Variants in USP22 observed in about 807,000 individuals in gnomAD.
USP22 encodes ubiquitin specific peptidase 22, also known as ubiquitin carboxyl-terminal hydrolase 22.
A neutral mutation model predicts 68.1 loss-of-function variants in USP22; 22 were observed. That is an observed-to-expected ratio of 0.32 (90% CI 0.23 to 0.46). The LOEUF is 0.46. Ranked by LOEUF, USP22 falls within the 20% of genes least tolerant of loss-of-function variation. The pLI is 1.00. For missense variants in USP22, 433 were observed against 695.8 expected (o/e 0.62, Z 4.25); for synonymous variants, 279 against 274.2 (o/e 1.02, Z -0.17).
intron 9 of USP22, among the ~76,000 whole-genome samples, chr17:21,007,227 C>T (rs894466873): frequency 2.0e-5 from 3 of 152,140 alleles, no homozygotes; most frequent in Admixed American, 2.0e-4. Flanking sequence ...ACCAAGGGTA[C>T]AAAAAGTAAT....
chr17:21,036,527 G>T (rs574629709), intron 1 of USP22, among the ~76,000 whole-genome samples: 3 of 140,514 alleles, frequency 2.1e-5, no homozygotes, highest in African/African-American at 7.8e-5. Flanking sequence ...GTAAGGGGGG[G>T]GGGGGTCAAG....
Position 21,018,112 on chromosome 17 carries a change from C to T in USP22, c.521-1G>A, listed in dbSNP as rs1242163325. On this transcript the variant is annotated splice_acceptor_variant, in intron 4 of 12. Transcript: ENST00000261497. LOFTEE classifies it high-confidence loss of function. ...CCAAGGTTGATCAGCCCACGCAGAC[C>T]TGGACACAAATCACCAGAGAGCAGG... 6.3e-7 allele frequency: 1 copy of T among 1,582,992 alleles called. No homozygotes were observed. Among genetic ancestry groups the T allele is most frequent in the Non-Finnish European group, 8.6e-7 (1 of 1,163,854 alleles).
intron 1 of USP22, among the ~76,000 whole-genome samples, chr17:21,040,026 C>T (rs924273730): frequency 6.6e-6 from 1 of 152,118 alleles, no homozygotes; most frequent in Non-Finnish European, 1.5e-5. Context: ...TAGTGAGACA[C>T]TGTCTCTACA....
intron 1 of USP22, among the ~76,000 whole-genome samples, chr17:21,039,486 C>CCT (rs1253798349): frequency 6.6e-6 from 1 of 151,962 alleles, no homozygotes; most frequent in East Asian, 2.0e-4. Flanking sequence ...ATCACTTAAA[C>CCT]CCTGGAGGGG....
chr17:21,009,091 C>CAAAAAAA (rs56665164), intron 8 of USP22, among the ~76,000 whole-genome samples: 1 of 91,906 alleles, frequency 1.1e-5, no homozygotes. Context: ...GACTCCATTT[C>CAAAAAAA]AAAAAAAAAA....
chr17:21,032,922 C>CAAAAAAAAAAAAAAAAAA (rs753804890), intron 1 of USP22, among the ~76,000 whole-genome samples: 3 of 91,576 alleles, frequency 3.3e-5, no homozygotes, highest in African/African-American at 1.2e-4. Flanking sequence ...GACCCTGTCT[C>CAAAAAAAAAAAAAAAAAA]AAAAAAAAAA....
At chr17:21,017,914 T>C in intron 5 of USP22, 28 bp downstream of exon 5, 1 of 1,606,854 alleles carries the variant, frequency 6.2e-7, no homozygotes, top group East Asian at 2.2e-5. Context: ...AACAGAAATG[T>C]TCCCCTGCAG....
intron 1 of USP22, among the ~76,000 whole-genome samples, chr17:21,036,237 T>C (rs550302018): frequency 2.0e-5 from 3 of 152,024 alleles, no homozygotes; most frequent in Admixed American, 1.3e-4. Flanking sequence ...AGGGATTTCT[T>C]GGGGCAGTGC....
chr17:21,005,972 T>G (rs1461841877), intron 10 of USP22, among the ~76,000 whole-genome samples: 1 of 152,118 alleles, frequency 6.6e-6, no homozygotes, highest in African/African-American at 2.4e-5. Context: ...GAGCTGGCCA[T>G]GTGACCCGGA....
intron 10 of USP22, among the ~76,000 whole-genome samples, chr17:21,005,975 G>A (rs2364332): frequency 0.75 from 113,491 of 152,022 alleles, 42,812 homozygotes; most frequent in South Asian, 0.82. Context: ...CTGGCCATGT[G>A]ACCCGGAAGC....
At chr17:21,043,402 T>C (rs1011883291), upstream of USP22, 15 of 325,514 alleles carry the variant, frequency 4.6e-5, no homozygotes, top group Non-Finnish European at 7.8e-5. Flanking sequence ...AGACGTTCCC[T>C]GTCTCTTCCA....
chr17:21,042,989 G>C lies in USP22; in HGVS notation c.-154C>G, dbSNP rs1972462666. 1 of 374,226 alleles carries C rather than the reference G, an allele frequency of 2.7e-6. No homozygotes were observed. The allele number at this position is 374,226 out of a possible 1,614,324, so 23.2% of individuals were successfully genotyped here. A position where few individuals can be genotyped will look rare whatever the true frequency, so the allele number is the denominator to read the frequency against. On this transcript the variant is annotated 5_prime_UTR_variant, in exon 1 of 13. The change creates a new upstream start codon in the 5' untranslated region. Transcript: ENST00000261497. The stretch of plus-strand genomic sequence containing the variant: ...AGGCCGGACAAAGATGGGGCTGCGC[G>C]ATCGCCGAGGGGAGGCTGCAAGGCA...
rs555835830 is a variant in USP22 at position 21,027,111 on chromosome 17, C to T, written c.304+1431G>A. ...GCCCAGCCTACAAAAAATTTTTCAA[C>T]ACAGGAAGTCACTCGGCCTCCCAAA... is the stretch of plus-strand genomic sequence containing the variant. On this transcript the variant is annotated intron_variant, in intron 2 of 12. Transcript: ENST00000261497. Among the ~76,000 whole-genome samples the T allele has an allele frequency of 3.3e-5, 5 of 151,498 alleles. No individual in the cohort carries two copies. In the East Asian group the frequency reaches 9.8e-4, roughly 30 times the overall value.
chr17:21,027,551 C>T (rs1239784295), intron 2 of USP22, among the ~76,000 whole-genome samples: 2 of 152,136 alleles, frequency 1.3e-5, no homozygotes, highest in Admixed American at 1.3e-4. Flanking sequence ...TGAACTATTC[C>T]CTAAAACAGG....
intron 1 of USP22, 29 bp from the exon 2 acceptor site, chr17:21,028,703 C>T (rs376406127): frequency 8.1e-6 from 13 of 1,610,118 alleles, no homozygotes; most frequent in East Asian, 6.7e-5. Flanking sequence ...GAGGAGTGAA[C>T]GCTGTGTGAT....
At chr17:21,004,104 C>T (rs1324220333) in intron 12 of USP22, 98 bp downstream of exon 12, 14 of 1,491,676 alleles carry the variant, frequency 9.4e-6, no homozygotes, top group Admixed American at 4.0e-5. Context: ...TCAACACCTT[C>T]GAGTGGTTCT....
intron 1 of USP22, among the ~76,000 whole-genome samples, chr17:21,041,799 T>C (rs1418104226): frequency 2.6e-5 from 4 of 152,220 alleles, no homozygotes; most frequent in Non-Finnish European, 5.9e-5. Flanking sequence ...TACGTTTTGA[T>C]TTCCAAACCC....
At chr17:21,003,334 C>G (rs1913657899) in intron 12 of USP22, among the ~76,000 whole-genome samples, 2 of 152,234 alleles carry the variant, frequency 1.3e-5, no homozygotes, top group Non-Finnish European at 1.5e-5. Context: ...CTCCCACAGC[C>G]TCTCCCCCAC....
intron 6 of USP22, among the ~76,000 whole-genome samples, chr17:21,014,165 C>T (rs1002250200): frequency 1.3e-5 from 2 of 152,224 alleles, no homozygotes; most frequent in African/African-American, 2.4e-5. Flanking sequence ...TGTGGCCAGG[C>T]CACCTCGCTG....
Sources: allele counts gnomAD v4.1 joint callset (sites outside exome capture counted in the v4.1 genomes callset), GRCh38; gene constraint gnomAD v4.1.1; transcripts MANE v1.5; gene names NCBI Gene and HGNC (gene_info 2026-07-23, HGNC 2026-07-21).